The following CADPS2 variants were observed in gnomAD, a reference collection of about 807,000 sequenced individuals.
CADPS2 encodes calcium-dependent secretion activator 2.
A neutral mutation model predicts 172.5 loss-of-function variants in CADPS2; 93 were observed. The ratio of observed to expected loss-of-function variants is 0.54; its 90% CI spans 0.46 to 0.64. CADPS2 has a LOEUF of 0.64. Ranked by LOEUF, CADPS2 falls within the 30% of genes least tolerant of loss-of-function variation. The pLI is 0.00. For synonymous variants in CADPS2, 546 were observed against 555.2 expected (o/e 0.98, Z 0.23); for missense variants, 1,420 against 1,565.9 (o/e 0.91, Z 1.57).
chr7:122,838,020 A>G (rs1809115348), intron 1 of CADPS2, among the ~76,000 whole-genome samples: 1 of 152,248 alleles, frequency 6.6e-6, no homozygotes, highest in South Asian at 2.1e-4. Flanking sequence ...TATTGATGCA[A>G]AAATCCTCAA....
At chr7:122,816,006 A>AT (rs1305626950) in intron 1 of CADPS2, among the ~76,000 whole-genome samples, 1 of 152,152 alleles carries the variant, frequency 6.6e-6, no homozygotes, top group Admixed American at 6.6e-5. Context: ...GGTATTTATC[A>AT]TTTTTTGTGC....
chr7:122,714,940 T>C (rs552378011), intron 2 of CADPS2, among the ~76,000 whole-genome samples: 2 of 152,058 alleles, frequency 1.3e-5, no homozygotes, highest in Non-Finnish European at 2.9e-5. Context: ...AAGTGTGTAA[T>C]TGGTTAAACG....
At chr7:122,825,346 T>G (rs1040551319) in intron 1 of CADPS2, among the ~76,000 whole-genome samples, 1 of 152,130 alleles carries the variant, frequency 6.6e-6, no homozygotes, top group Non-Finnish European at 1.5e-5. Flanking sequence ...TTCAAGGCAA[T>G]GAGGAAAAGC....
In CADPS2 at chr7:122,548,429, TAAAC is replaced by T. The variant is rs2063850613; in HGVS notation, c.1475+6117_1475+6120del. On this transcript the variant is annotated intron_variant, in intron 8 of 29. Coordinates refer to ENST00000449022, the MANE Select transcript of CADPS2 (RefSeq NM_017954.11). ...TCACACATAAAACTATAACTAAAAA[TAAAC>T]AAAAACAACCTGAGATGAAATTAAA... 5.3e-5 allele frequency among the ~76,000 whole-genome samples: 8 copies of T among 151,990 alleles called. No individual in the cohort carries two copies. In the South Asian group the frequency reaches 1.7e-3, roughly 32 times the overall value.
intron 1 of CADPS2, among the ~76,000 whole-genome samples, chr7:122,877,069 AC>A (rs2141639335): frequency 6.6e-6 from 1 of 152,298 alleles, no homozygotes; most frequent in East Asian, 1.9e-4. Context: ...ATTAAAAAAA[AC>A]AGTCATAATC....
intron 2 of CADPS2, among the ~76,000 whole-genome samples, chr7:122,678,243 C>T (rs2082587723): frequency 6.6e-6 from 1 of 152,132 alleles, no homozygotes; most frequent in African/African-American, 2.4e-5. Context: ...TTTTAATATT[C>T]TAATAGTTGA....
chr7:122,844,793 A>C (rs1369976639), intron 1 of CADPS2, among the ~76,000 whole-genome samples: 1 of 152,200 alleles, frequency 6.6e-6, no homozygotes, highest in African/African-American at 2.4e-5. Flanking sequence ...CAAATATTTA[A>C]GTTTCAGAGA....
rs554381469 is a variant in CADPS2 at position 122,723,213 on chromosome 7, T to C, written c.453+13742A>G. 2.0e-3 allele frequency among the ~76,000 whole-genome samples: 306 copies of C among 152,006 alleles called. 1 individual carries two copies. The highest frequency in any genetic ancestry group is 3.8e-3 in the Non-Finnish European group (255 of 67,942). ...ATTAAACTAAAGAGCTTCTGCACAG[T>C]GAAAGAAACTACCATCAGAGTGAAC... is the stretch of plus-strand genomic sequence containing the variant. On this transcript the variant is annotated intron_variant, in intron 2 of 29. Transcript: ENST00000449022.
At chr7:122,713,796 A>G (rs899534180) in intron 2 of CADPS2, among the ~76,000 whole-genome samples, 10 of 152,218 alleles carry the variant, frequency 6.6e-5, no homozygotes, top group African/African-American at 2.4e-4. Context: ...ATGCATGAAA[A>G]CAGTGATAGA....
At chr7:122,835,994 G>A (rs1386710715) in intron 1 of CADPS2, among the ~76,000 whole-genome samples, 1 of 152,264 alleles carries the variant, frequency 6.6e-6, no homozygotes, top group Admixed American at 6.5e-5. Context: ...CACCAAAGTT[G>A]AAATGAAGGA....
At chr7:122,330,137 C>T (rs920421508) in intron 28 of CADPS2, among the ~76,000 whole-genome samples, 2 of 152,162 alleles carry the variant, frequency 1.3e-5, no homozygotes, top group Non-Finnish European at 2.9e-5. Flanking sequence ...TGTATTTCTT[C>T]ATTTATTTCA....
At chr7:122,776,202 C>T (rs2093877089) in intron 1 of CADPS2, among the ~76,000 whole-genome samples, 1 of 151,980 alleles carries the variant, frequency 6.6e-6, no homozygotes, top group Non-Finnish European at 1.5e-5. Context: ...GCAGGTTTTT[C>T]CCATGCTGTT....
intron 5 of CADPS2, among the ~76,000 whole-genome samples, chr7:122,616,325 T>TCATGTA (rs2074916709): frequency 6.6e-6 from 1 of 152,100 alleles, no homozygotes; most frequent in Non-Finnish European, 1.5e-5. Flanking sequence ...CAGTTACTGA[T>TCATGTA]CATGTAATAC....
At chr7:122,546,607 C>T (rs2131775604) in intron 8 of CADPS2, among the ~76,000 whole-genome samples, 1 of 152,258 alleles carries the variant, frequency 6.6e-6, no homozygotes, top group South Asian at 2.1e-4. Flanking sequence ...GCTTTGCTGC[C>T]ATATGCTGTA....
chr7:122,393,174 G>GA, intron 22 of CADPS2, 22 bp downstream of exon 22: 1 of 1,611,428 alleles, frequency 6.2e-7, no homozygotes, highest in East Asian at 2.2e-5. Context: ...ACACCACCAG[G>GA]AAATAAGTGA....
chr7:122,652,290 T>G (rs1479842564), intron 3 of CADPS2, among the ~76,000 whole-genome samples: 2 of 152,172 alleles, frequency 1.3e-5, no homozygotes, highest in Non-Finnish European at 2.9e-5. Context: ...AGATAATGGG[T>G]TAACTAATTA....
At position 122,518,089 on chromosome 7, in the gene CADPS2, G is replaced by C. The variant is rs150040796; in HGVS notation, c.1476-4774C>G. On this transcript the variant is annotated intron_variant, in intron 8 of 29. Coordinates refer to ENST00000449022, the MANE Select transcript of CADPS2 (RefSeq NM_017954.11). Reference sequence around the variant, plus strand: ...TTTAACCTGATATTATGCTCCACTAGGCAATAGATTTTGTTCATTACATTT... The same window carrying C: ...TTTAACCTGATATTATGCTCCACTACGCAATAGATTTTGTTCATTACATTT... 6.4e-3 allele frequency among the ~76,000 whole-genome samples: 965 copies of C among 151,614 alleles called. 10 individuals are homozygous for C. The highest frequency in any genetic ancestry group is 0.017 in the Middle Eastern group (5 of 290).
At chr7:122,443,934 T>C (rs527417168) in intron 15 of CADPS2, among the ~76,000 whole-genome samples, 1 of 152,244 alleles carries the variant, frequency 6.6e-6, no homozygotes, top group African/African-American at 2.4e-5. Flanking sequence ...TTTTGACATA[T>C]GCATATACTT....
At chr7:122,605,019 G>A (rs147891217) in intron 6 of CADPS2, among the ~76,000 whole-genome samples, 9 of 152,212 alleles carry the variant, frequency 5.9e-5, no homozygotes, top group Non-Finnish European at 1.3e-4. Context: ...CTACAAACCT[G>A]TATAGCATGT....
Sources: allele counts gnomAD v4.1 joint callset (sites outside exome capture counted in the v4.1 genomes callset), GRCh38; gene constraint gnomAD v4.1.1; transcripts MANE v1.5; gene names NCBI Gene and HGNC (gene_info 2026-07-23, HGNC 2026-07-21).